Variants in AP3B1 observed in about 807,000 individuals in gnomAD.
AP3B1 encodes the protein adaptor related protein complex 3 subunit beta 1, also known as AP-3 complex subunit beta-1.
Under a neutral mutation model 132.5 loss-of-function variants are expected in AP3B1, and 61 were observed. The observed-to-expected ratio is 0.46, with a 90% CI of 0.37 to 0.57. AP3B1 has a LOEUF of 0.57. Among genes scored for constraint, AP3B1 ranks in the 20% least tolerant of loss-of-function variants. The pLI is 0.00. For missense variants in AP3B1, 1,120 were observed against 1,289.4 expected (o/e 0.87, Z 2.01); for synonymous variants, 388 against 438.3 (o/e 0.89, Z 1.43).
chr5:78,076,783 G>A (rs894909484), intron 22 of AP3B1, among the ~76,000 whole-genome samples: 1 of 152,160 alleles, frequency 6.6e-6, no homozygotes, highest in Non-Finnish European at 1.5e-5. Flanking sequence ...AAGGTTCAGT[G>A]AGCTTCCCTG....
At chr5:78,241,677 C>T (rs1325964846) in intron 2 of AP3B1, among the ~76,000 whole-genome samples, 1 of 152,212 alleles carries the variant, frequency 6.6e-6, no homozygotes, top group Non-Finnish European at 1.5e-5. Flanking sequence ...CACTGTTCTA[C>T]AATCTCTGAA....
intron 7 of AP3B1, among the ~76,000 whole-genome samples, chr5:78,211,017 G>A (rs112582365): frequency 0.014 from 2,146 of 152,192 alleles, 57 homozygotes; most frequent in African/African-American, 0.049. Context: ...ACTGCAAAGA[G>A]TAAGGTAAAT....
At chr5:78,203,559 T>C (rs1262641268) in intron 7 of AP3B1, among the ~76,000 whole-genome samples, 2 of 152,158 alleles carry the variant, frequency 1.3e-5, no homozygotes, top group Non-Finnish European at 2.9e-5. Flanking sequence ...ATCATGTGTC[T>C]TGGTGTGCAT....
chr5:78,282,211 G>C (rs1749086492), intron 1 of AP3B1, among the ~76,000 whole-genome samples: 1 of 152,052 alleles, frequency 6.6e-6, no homozygotes, highest in Non-Finnish European at 1.5e-5. Flanking sequence ...CATTTTGCTT[G>C]ATTCCACACC....
intron 14 of AP3B1, among the ~76,000 whole-genome samples, chr5:78,148,860 C>A (rs890185465): frequency 1.3e-5 from 2 of 152,148 alleles, no homozygotes; most frequent in Non-Finnish European, 2.9e-5. Flanking sequence ...ATTGGTTAGA[C>A]AAGTGGTTCT....
intron 22 of AP3B1, among the ~76,000 whole-genome samples, chr5:78,080,396 T>C (rs1749940261): frequency 6.6e-6 from 1 of 152,180 alleles, no homozygotes; most frequent in Non-Finnish European, 1.5e-5. Context: ...TATTCCATTG[T>C]ATATGCATGC....
At chr5:78,193,768 A>ATTT (rs748328573) in intron 7 of AP3B1, among the ~76,000 whole-genome samples, 4 of 66,686 alleles carry the variant, frequency 6.0e-5, no homozygotes, top group African/African-American at 1.8e-4. Flanking sequence ...ATATATATAT[A>ATTT]TATTTTTTTT....
intron 12 of AP3B1, among the ~76,000 whole-genome samples, chr5:78,164,018 A>T (rs1419500732): frequency 6.6e-6 from 1 of 152,066 alleles, no homozygotes; most frequent in East Asian, 1.9e-4. Context: ...AAAAAATACA[A>T]ATTTGCTAAA....
intron 1 of AP3B1, among the ~76,000 whole-genome samples, chr5:78,275,536 C>T (rs775617411): frequency 2.5e-4 from 38 of 151,740 alleles, no homozygotes; most frequent in Admixed American, 7.9e-4. Flanking sequence ...AGTGCAGTGG[C>T]GCAATCTCAG....
At position 78,115,942 on chromosome 5, in the gene AP3B1, A is replaced by G. The variant is rs1209762591; in HGVS notation, c.2077+184T>C. ...CCAAGAGATATTGTAAAGTAAAAAG[A>G]GAATTTAGTAATTAAAAATTACTTT... On this transcript the variant is annotated intron_variant, in intron 18 of 26. Coordinates refer to ENST00000255194, the MANE Select transcript of AP3B1 (RefSeq NM_003664.5). 5 of 644,378 alleles carry G rather than the reference A, an allele frequency of 7.8e-6. No individual in the cohort carries two copies. The Admixed American group carries it at 1.1e-4, about 14-fold the overall frequency. 39.9% of individuals were successfully genotyped at this position (644,378 alleles called of 1,614,324 possible).
In AP3B1 at chr5:78,226,158, G is replaced by A. The variant is rs572611083; in HGVS notation, c.537-550C>T. 1.1e-3 allele frequency among the ~76,000 whole-genome samples: 171 copies of A among 152,154 alleles called. 2 individuals carry two copies. Among genetic ancestry groups the A allele is most frequent in the Admixed American group, 3.8e-3 (58 of 15,292 alleles). On this transcript the variant is annotated intron_variant, in intron 5 of 26. Transcript: ENST00000255194. ...ACAGACTATAAGCTCAAGGCAAGGA[G>A]AGGCAAGCATTGAGGCTGGAATATA... is the stretch of plus-strand genomic sequence containing the variant.
intron 2 of AP3B1, among the ~76,000 whole-genome samples, chr5:78,241,563 C>T (rs577903410): frequency 5.9e-5 from 9 of 152,296 alleles, no homozygotes; most frequent in African/African-American, 2.2e-4. Flanking sequence ...GCTTTCTTTT[C>T]ATAGGTTACC....
intron 16 of AP3B1, 98 bp from the exon 17 acceptor site, chr5:78,128,258 A>G: frequency 1.8e-6 from 2 of 1,097,736 alleles, no homozygotes; most frequent in Non-Finnish European, 2.6e-6. Context: ...ATATTACCTC[A>G]AATGTCAAGG....
intron 6 of AP3B1, among the ~76,000 whole-genome samples, chr5:78,217,864 A>G (rs79674100): frequency 0.069 from 10,522 of 152,112 alleles, 544 homozygotes; most frequent in African/African-American, 0.13. Flanking sequence ...CAATTTTTAA[A>G]ATACTATGTA....
At chr5:78,038,786 C>T (rs1000005033) in intron 23 of AP3B1, among the ~76,000 whole-genome samples, 1 of 152,162 alleles carries the variant, frequency 6.6e-6, no homozygotes, top group Admixed American at 6.5e-5. Context: ...GCAATCTTGA[C>T]TCTGCAGACC....
chr5:78,245,338 T>C (rs544254398), intron 2 of AP3B1, among the ~76,000 whole-genome samples: 3 of 152,326 alleles, frequency 2.0e-5, no homozygotes, highest in Admixed American at 1.3e-4. Flanking sequence ...GAGCAGCTAG[T>C]AGGAGCGGGC....
Position 78,239,553 on chromosome 5 carries a change from T to A in AP3B1, c.279+1309A>T, listed in dbSNP as rs190460733. 9.9e-5 allele frequency among the ~76,000 whole-genome samples: 15 copies of A among 150,950 alleles called. No homozygotes were observed. The East Asian group carries it at 2.7e-3, about 27-fold the overall frequency. ...CTTTGGGAGGCTGAGGCAGGTAGAT[T>A]GCTTGAGCTCAGGAGTTCAAGACCA... On this transcript the variant is annotated intron_variant, in intron 3 of 26. Coordinates refer to ENST00000255194, the MANE Select transcript of AP3B1 (RefSeq NM_003664.5).
At chr5:78,119,115 C>T (rs534453000) in intron 17 of AP3B1, among the ~76,000 whole-genome samples, 5 of 152,230 alleles carry the variant, frequency 3.3e-5, no homozygotes, top group Non-Finnish European at 7.3e-5. Context: ...TCCAACAGAC[C>T]TTCAGCTGAG....
At chr5:78,143,157 T>A (rs1753226080) in intron 14 of AP3B1, among the ~76,000 whole-genome samples, 1 of 152,126 alleles carries the variant, frequency 6.6e-6, no homozygotes, top group Non-Finnish European at 1.5e-5. Context: ...TAATCTATTA[T>A]CCCATTTTAA....
Sources: allele counts gnomAD v4.1 joint callset (sites outside exome capture counted in the v4.1 genomes callset), GRCh38; gene constraint gnomAD v4.1.1; transcripts MANE v1.5; gene names NCBI Gene and HGNC (gene_info 2026-07-23, HGNC 2026-07-21).